Variants in MARCHF8 observed in about 807,000 individuals in gnomAD.
MARCHF8 encodes the protein E3 ubiquitin-protein ligase MARCHF8.
MARCHF8 carries 40 observed loss-of-function variants against 51.6 expected under a neutral mutation model. The ratio of observed to expected loss-of-function variants is 0.77; its 90% CI spans 0.60 to 1.01. The LOEUF (loss-of-function observed/expected upper bound fraction) is 1.01, where lower values mean the gene tolerates loss of function less well. Among genes scored for constraint, MARCHF8 ranks in the 50% least tolerant of loss-of-function variants. The probability of loss-of-function intolerance (pLI) is 0.00; values close to 1 mark genes in which losing one functional copy is unlikely to be tolerated. For missense variants in MARCHF8, 685 were observed against 708.6 expected, an observed-to-expected ratio of 0.97 and a Z score of 0.38; for synonymous variants, 263 against 280.3, an observed-to-expected ratio of 0.94 and a Z score of 0.62.
In MARCHF8 at chr10:45,557,957, T is replaced by C. The variant is rs1341783023; in HGVS notation, c.-78-24668A>G. 2.0e-5 allele frequency among the ~76,000 whole-genome samples: 3 copies of C among 152,202 alleles called. No homozygotes were observed. The East Asian group carries it at 5.8e-4, about 29-fold the overall frequency. On this transcript the variant is annotated intron_variant, in intron 1 of 6. Transcript: ENST00000319836. ...GCCTGCAAAAAAAATGACTTAGCTA[T>C]AAATTTGGTAATAATAACTTAGTAT...
intron 1 of MARCHF8, among the ~76,000 whole-genome samples, chr10:45,557,106 G>C (rs1195936618): frequency 6.8e-6 from 1 of 146,510 alleles, no homozygotes; most frequent in Non-Finnish European, 1.5e-5. Flanking sequence ...AACAACAAAA[G>C]GTGCCTATTC....
rs199851448 is a variant in MARCHF8 at position 45,588,164 on chromosome 10, T to TA, written c.-79+6070dup. Among the ~76,000 whole-genome samples, 181 of 131,740 alleles carry TA rather than the reference T, an allele frequency of 1.4e-3. 3 individuals are homozygous for TA. The South Asian group carries it at 0.022, about 16-fold the overall frequency. The allele number at this position is 131,740 out of a possible 152,430, so 86.4% of individuals were successfully genotyped here. A position where few individuals can be genotyped will look rare whatever the true frequency, so the allele number is the denominator to read the frequency against. On this transcript the variant is annotated intron_variant, in intron 1 of 6. Coordinates refer to the MARCHF8 transcript ENST00000319836. ...ATATATTTTTTCATTTTGTCAAAAG[T>TA]AAAAAAAAAAAAAGAAAATCCTTAC... is the stretch of plus-strand genomic sequence containing the variant.
chr10:45,504,598 T>C (rs992625043), intron 2 of MARCHF8, among the ~76,000 whole-genome samples: 13 of 152,184 alleles, frequency 8.5e-5, no homozygotes, highest in Admixed American at 2.0e-4. Flanking sequence ...GCACTGGATA[T>C]TGGAAATTTA....
intron 6 of MARCHF8, 54 bp downstream of exon 6, chr10:45,461,177 T>C: frequency 1.2e-5 from 16 of 1,349,964 alleles, no homozygotes; most frequent in Non-Finnish European, 1.6e-5. Flanking sequence ...AGACACCAGC[T>C]TTCTGGGGGT....
chr10:45,524,353 G>A (rs1473699265), intron 2 of MARCHF8, among the ~76,000 whole-genome samples: 1 of 152,144 alleles, frequency 6.6e-6, no homozygotes, highest in African/African-American at 2.4e-5. Flanking sequence ...TTCAGAGATC[G>A]CTGTGATTAC....
chr10:45,587,517 T>C (rs760152561), intron 1 of MARCHF8, among the ~76,000 whole-genome samples: 20 of 152,176 alleles, frequency 1.3e-4, no homozygotes, highest in Non-Finnish European at 2.2e-4. Context: ...AACTGATCTA[T>C]AGAACCAAGA....
intron 3 of MARCHF8, among the ~76,000 whole-genome samples, chr10:45,488,964 C>T (rs572757218): frequency 5.3e-5 from 8 of 152,318 alleles, no homozygotes; most frequent in African/African-American, 1.9e-4. Flanking sequence ...GTGATCAACT[C>T]TGCCCTGGAT....
intron 2 of MARCHF8, among the ~76,000 whole-genome samples, chr10:45,524,839 G>A (rs753093441): frequency 2.6e-5 from 4 of 151,928 alleles, no homozygotes; most frequent in Non-Finnish European, 5.9e-5. Context: ...ACCGCCTTTC[G>A]AAGTAGTGGG....
chr10:45,585,002 G>A (rs566369058), intron 1 of MARCHF8, among the ~76,000 whole-genome samples: 1 of 152,232 alleles, frequency 6.6e-6, no homozygotes, highest in African/African-American at 2.4e-5. Flanking sequence ...TATCTCCAGA[G>A]CCTCCAGAAA....
chr10:45,463,528 G>A lies in MARCHF8; in HGVS notation c.711C>T (p.Gly237=). Residue 237 remains glycine, a synonymous_variant, in exon 5 of 8, where the codon GGC becomes GGT. Coordinates refer to ENST00000453424, the MANE Select transcript of MARCHF8 (RefSeq NM_001282866.2). ...TASEVEAGKG[G]RPGLLLEEKA... Reference sequence around the variant, plus strand: ...TCTCTTCCAGCAGCAGGCCGGGCCTGCCCCCCTTGCCAGCTTCCACCTCTG... The same window carrying A: ...TCTCTTCCAGCAGCAGGCCGGGCCTACCCCCCTTGCCAGCTTCCACCTCTG... The A allele has an allele frequency of 4.5e-6, 7 of 1,550,622 alleles. No homozygotes were observed. Among genetic ancestry groups the A allele is most frequent in the Non-Finnish European group, 6.1e-6 (7 of 1,146,990 alleles).
chr10:45,526,656 T>C (rs116955138), intron 2 of MARCHF8, among the ~76,000 whole-genome samples: 1 of 151,530 alleles, frequency 6.6e-6, no homozygotes, highest in East Asian at 1.9e-4. Context: ...GGCATTCCTT[T>C]ATAGCACAAG....
At chr10:45,473,000 G>A (rs898533620) in intron 3 of MARCHF8, among the ~76,000 whole-genome samples, 1 of 152,178 alleles carries the variant, frequency 6.6e-6, no homozygotes, top group African/African-American at 2.4e-5. Context: ...CATAAGTTTT[G>A]AGTAACCTGA....
intron 1 of MARCHF8, among the ~76,000 whole-genome samples, chr10:45,549,117 G>C (rs1010059268): frequency 6.6e-6 from 1 of 152,166 alleles, no homozygotes; most frequent in African/African-American, 2.4e-5. Flanking sequence ...GGGGGATGAA[G>C]GAGAGGTCAA....
chr10:45,559,173 T>C (rs1832707049), intron 1 of MARCHF8, among the ~76,000 whole-genome samples: 1 of 152,236 alleles, frequency 6.6e-6, no homozygotes, highest in African/African-American at 2.4e-5. Flanking sequence ...CTGTATGCTT[T>C]TCACCTTACG....
At chr10:45,459,990 A>G (rs1227753533) in intron 6 of MARCHF8, 9 of 670,048 alleles carry the variant, frequency 1.3e-5, no homozygotes, top group African/African-American at 5.9e-5. Context: ...AGATGAGTCT[A>G]TGCAGGGTAG....
rs1177930255 is a variant in MARCHF8, at chr10:45,455,115, C to T, written c.*3124G>A. ...CAGGGGTGCAGAGGCAGCCCCAGAT[C>T]GTGCAGACATCACCCGAGGCTCCCA... On this transcript the variant is annotated 3_prime_UTR_variant, in exon 8 of 8. Coordinates refer to ENST00000453424, the MANE Select transcript of MARCHF8 (RefSeq NM_001282866.2). The T allele has an allele frequency of 1.3e-5, 2 of 152,272 alleles. No homozygotes were observed. Among genetic ancestry groups the T allele is most frequent in the African/African-American group, 4.8e-5 (2 of 41,446 alleles). The allele number at this position is 152,272 out of a possible 1,614,324, so 9.4% of individuals were successfully genotyped here.
intron 1 of MARCHF8, among the ~76,000 whole-genome samples, chr10:45,584,604 A>T (rs914700818): frequency 6.6e-6 from 1 of 152,184 alleles, no homozygotes; most frequent in African/African-American, 2.4e-5. Context: ...TCAGAAATCT[A>T]AAGATAGTCC....
At chr10:45,559,136 G>A (rs1023764328) in intron 1 of MARCHF8, among the ~76,000 whole-genome samples, 1 of 152,136 alleles carries the variant, frequency 6.6e-6, no homozygotes, top group Non-Finnish European at 1.5e-5. Context: ...ATTAGAAGTT[G>A]GTAAACATAC....
At chr10:45,521,646 G>A (rs2043707915) in intron 2 of MARCHF8, among the ~76,000 whole-genome samples, 1 of 152,224 alleles carries the variant, frequency 6.6e-6, no homozygotes, top group African/African-American at 2.4e-5. Flanking sequence ...TACCTAGGAA[G>A]TGTGAGATAA....
Sources: allele counts gnomAD v4.1 joint callset (sites outside exome capture counted in the v4.1 genomes callset), GRCh38; gene constraint gnomAD v4.1.1; transcripts MANE v1.5; gene names NCBI Gene and HGNC (gene_info 2026-07-23, HGNC 2026-07-21).